Variants in PARP8 observed in about 807,000 individuals in gnomAD.
PARP8 encodes the protein poly(ADP-ribose) polymerase family member 8.
Under a neutral mutation model 124.1 loss-of-function variants are expected in PARP8, and 51 were observed. The ratio of observed to expected loss-of-function variants is 0.41; its 90% CI spans 0.33 to 0.52. The LOEUF (loss-of-function observed/expected upper bound fraction) is 0.52. Ranked by LOEUF, PARP8 falls within the 20% of genes least tolerant of loss-of-function variation. The pLI is 0.21. For missense variants in PARP8, 860 were observed against 1,018.9 expected (o/e 0.84, Z 2.12); for synonymous variants, 391 against 361.5 (o/e 1.08, Z -0.93).
At position 50,822,938 on chromosome 5, in the gene PARP8, C is replaced by A. The variant is rs73102891; in HGVS notation, c.1860+538C>A. Among the ~76,000 whole-genome samples the A allele has an allele frequency of 9.3e-4, 141 of 152,298 alleles. 1 individual carries two copies. The highest frequency in any genetic ancestry group is 3.3e-3 in the African/African-American group (136 of 41,574). On this transcript the variant is annotated intron_variant, in intron 17 of 25. Coordinates refer to ENST00000281631, the MANE Select transcript of PARP8 (RefSeq NM_024615.4). Reference sequence around the variant, plus strand: ...ATCGGGGTTTGTTAGGAAAATCTAACACATCCCTGGGCTATAGTCCAGCAT... The same window carrying A: ...ATCGGGGTTTGTTAGGAAAATCTAAAACATCCCTGGGCTATAGTCCAGCAT...
chr5:50,675,379 G>A lies in PARP8; in HGVS notation c.146+7254G>A, dbSNP rs191573815. ...GAGTGCAGTGGCCTGATCTTGGCTC[G>A]CTGCAACCTCCGCCCCCCGGGTTCA... On this transcript the variant is annotated intron_variant, in intron 2 of 25. Transcript: ENST00000281631. Among the ~76,000 whole-genome samples, 455 of 152,182 alleles carry A rather than the reference G, an allele frequency of 3.0e-3. 2 individuals are homozygous for A. The highest frequency in any genetic ancestry group is 0.01 in the African/African-American group (422 of 41,510).
chr5:50,705,228 G>A (rs930325043), intron 2 of PARP8, among the ~76,000 whole-genome samples: 1 of 152,264 alleles, frequency 6.6e-6, no homozygotes, highest in African/African-American at 2.4e-5. Flanking sequence ...ACATGTTAAT[G>A]CTTTTTGGTC....
intron 7 of PARP8, among the ~76,000 whole-genome samples, chr5:50,764,049 G>C (rs1436080248): frequency 6.6e-6 from 1 of 152,172 alleles, no homozygotes; most frequent in Non-Finnish European, 1.5e-5. Flanking sequence ...TCCCACTGCT[G>C]TCTGTATTTA....
chr5:50,706,202 T>A (rs1487552960), intron 2 of PARP8, among the ~76,000 whole-genome samples: 1 of 152,202 alleles, frequency 6.6e-6, no homozygotes, highest in Non-Finnish European at 1.5e-5. Context: ...AATTTGTACC[T>A]ACTGATTATT....
chr5:50,731,705 A>G (rs1222936918), intron 2 of PARP8, among the ~76,000 whole-genome samples: 1 of 152,218 alleles, frequency 6.6e-6, no homozygotes, highest in Non-Finnish European at 1.5e-5. Context: ...CATTTGCTTA[A>G]TTACAGAACT....
At chr5:50,788,412 A>T in intron 9 of PARP8, 111 bp from the exon 10 acceptor site, 1 of 863,556 alleles carries the variant, frequency 1.2e-6, no homozygotes, top group Non-Finnish European at 1.9e-6. Context: ...CACTGTTTTT[A>T]AATGTGTATA....
chr5:50,799,564 A>G (rs1370373379), intron 14 of PARP8, among the ~76,000 whole-genome samples: 5 of 152,178 alleles, frequency 3.3e-5, no homozygotes. Flanking sequence ...TTTCTCTATC[A>G]GTTCTGTGGT....
At chr5:50,744,957 T>G (rs1758398021) in intron 2 of PARP8, 1 of 550,326 alleles carries the variant, frequency 1.8e-6, no homozygotes, top group Non-Finnish European at 3.2e-6. Context: ...TTTCCACGTT[T>G]TTTTGGTACT....
intron 14 of PARP8, among the ~76,000 whole-genome samples, chr5:50,814,210 C>A (rs927478862): frequency 6.6e-6 from 1 of 151,894 alleles, no homozygotes. Context: ...ATGCTCTAAG[C>A]CCCAGAAAAT....
At chr5:50,793,378 T>A (rs188789682) in intron 10 of PARP8, among the ~76,000 whole-genome samples, 135 of 152,316 alleles carry the variant, frequency 8.9e-4, no homozygotes, top group African/African-American at 3.2e-3. Flanking sequence ...GCCACTGCCA[T>A]GTGGAAAATG....
intron 2 of PARP8, among the ~76,000 whole-genome samples, chr5:50,706,007 T>C (rs1199090994): frequency 1.3e-5 from 2 of 152,188 alleles, no homozygotes; most frequent in African/African-American, 4.8e-5. Flanking sequence ...CTCTTGAGGG[T>C]AGGTTTTAAA....
chr5:50,678,130 A>C (rs1006491808), intron 2 of PARP8, among the ~76,000 whole-genome samples: 2 of 152,178 alleles, frequency 1.3e-5, no homozygotes, highest in Non-Finnish European at 2.9e-5. Flanking sequence ...TATAGATTAT[A>C]AAACTATACT....
At chr5:50,829,737 G>A (rs1746738979) in intron 21 of PARP8, among the ~76,000 whole-genome samples, 155 bp from the exon 22 acceptor site, 3 of 152,092 alleles carry the variant, frequency 2.0e-5, no homozygotes, top group Admixed American at 2.0e-4. Flanking sequence ...TAAGCACAAG[G>A]ATATTAGTAC....
chr5:50,695,594 A>G (rs372450031), intron 2 of PARP8, among the ~76,000 whole-genome samples: 8 of 152,336 alleles, frequency 5.3e-5, no homozygotes, highest in African/African-American at 1.7e-4. Context: ...AAATATGGTC[A>G]TTTATATCCT....
intron 2 of PARP8, among the ~76,000 whole-genome samples, chr5:50,716,368 C>T (rs1284584451): frequency 6.6e-6 from 1 of 152,032 alleles, no homozygotes; most frequent in Non-Finnish European, 1.5e-5. Context: ...GGCGGCTTCT[C>T]CTCTGTGAAG....
intron 14 of PARP8, among the ~76,000 whole-genome samples, chr5:50,808,057 A>G (rs1744055380): frequency 6.6e-6 from 1 of 151,848 alleles, no homozygotes; most frequent in South Asian, 2.1e-4. Context: ...TAAGGTTCTT[A>G]TTTTCCAAGT....
intron 2 of PARP8, among the ~76,000 whole-genome samples, chr5:50,739,818 C>T (rs1183539392): frequency 2.1e-5 from 3 of 140,852 alleles, no homozygotes; most frequent in Non-Finnish European, 3.0e-5. Flanking sequence ...TCTCTGATCT[C>T]GGCTCACTGC....
chr5:50,667,075 T>G lies in PARP8; in HGVS notation c.-21T>G, dbSNP rs1457878846. ...GGGTGGGGTGGAAATAGCGGCTGCTTCTTTTCCAGGGATTTATTTAATGGG... is the reference window on the plus strand; with the variant it reads ...GGGTGGGGTGGAAATAGCGGCTGCTGCTTTTCCAGGGATTTATTTAATGGG... On this transcript the variant is annotated 5_prime_UTR_variant, in exon 1 of 26. Coordinates refer to ENST00000281631, the MANE Select transcript of PARP8 (RefSeq NM_024615.4). 4 of 1,596,062 alleles carry G rather than the reference T, an allele frequency of 2.5e-6. No homozygotes were observed. The highest frequency in any genetic ancestry group is 4.5e-5 in the East Asian group (2 of 44,848).
intron 2 of PARP8, among the ~76,000 whole-genome samples, chr5:50,722,977 A>G (rs745460147): frequency 2.6e-5 from 4 of 152,146 alleles, no homozygotes; most frequent in African/African-American, 4.8e-5. Context: ...GCAGCAGTGA[A>G]TAGTTATCAG....
Sources: allele counts gnomAD v4.1 joint callset (sites outside exome capture counted in the v4.1 genomes callset), GRCh38; gene constraint gnomAD v4.1.1; transcripts MANE v1.5; gene names NCBI Gene and HGNC (gene_info 2026-07-23, HGNC 2026-07-21).